The following NRXN3 variants were observed in gnomAD, a reference collection of about 807,000 sequenced individuals.
The protein encoded by NRXN3 is neurexin III.
In NRXN3, 32 loss-of-function variants were observed where a neutral mutation model predicts 137.6. The observed-to-expected ratio is 0.23, with a 90% CI of 0.18 to 0.31. The LOEUF is 0.31. NRXN3 is among the 10% of genes least tolerant of loss of function. NRXN3 has a pLI of 1.00. For missense variants in NRXN3, 1,574 were observed against 2,062.5 expected, an observed-to-expected ratio of 0.76 and a Z score of 4.59; for synonymous variants, 798 against 784.5, an observed-to-expected ratio of 1.02 and a Z score of -0.29.
At chr14:79,583,016 GA>G (rs1165116320) in intron 16 of NRXN3, among the ~76,000 whole-genome samples, 1 of 152,174 alleles carries the variant, frequency 6.6e-6, no homozygotes, top group African/African-American at 2.4e-5. Flanking sequence ...AGCATTTATA[GA>G]ATGTTTTTGC....
chr14:78,455,178 C>T (rs571336651), intron 4 of NRXN3, among the ~76,000 whole-genome samples: 1 of 152,240 alleles, frequency 6.6e-6, no homozygotes, highest in Non-Finnish European at 1.5e-5. Flanking sequence ...GCACCCCCTA[C>T]ATGGGACCTT....
At chr14:79,696,913 T>G (rs1346960862) in intron 18 of NRXN3, among the ~76,000 whole-genome samples, 2 of 151,980 alleles carry the variant, frequency 1.3e-5, no homozygotes, top group Admixed American at 6.6e-5. Flanking sequence ...TATTTCATAC[T>G]GAGGGAATAA....
intron 10 of NRXN3, among the ~76,000 whole-genome samples, chr14:78,878,863 C>A (rs1356550416): frequency 6.6e-6 from 1 of 152,084 alleles, no homozygotes; most frequent in African/African-American, 2.4e-5. Context: ...CCCGCCTACA[C>A]CACCTCAGCA....
At position 78,604,304 on chromosome 14, in the gene NRXN3, T is replaced by G. The variant is rs1273734346; in HGVS notation, c.758-40816T>G. 8.1e-5 allele frequency among the ~76,000 whole-genome samples: 4 copies of G among 49,520 alleles called. No individual in the cohort carries two copies. In the South Asian group the frequency reaches 2.2e-3, roughly 27 times the overall value. 32.5% of individuals were successfully genotyped at this position (49,520 alleles called of 152,430 possible). ...ATGTCATCCTCTCTTGGTCATTTGT[T>G]TTTTTTTTTTTTGATTTACAAGTAT... On this transcript the variant is annotated intron_variant, in intron 4 of 20. Coordinates refer to ENST00000335750, the MANE Select transcript of NRXN3 (RefSeq NM_001330195.2).
At chr14:78,963,497 A>G (rs1285541245) in intron 11 of NRXN3, among the ~76,000 whole-genome samples, 3 of 152,188 alleles carry the variant, frequency 2.0e-5, no homozygotes, top group African/African-American at 7.2e-5. Flanking sequence ...AGGAGTAGCT[A>G]TAGCCAATTT....
At chr14:78,588,729 A>G (rs1168010311) in intron 4 of NRXN3, among the ~76,000 whole-genome samples, 1 of 152,202 alleles carries the variant, frequency 6.6e-6, no homozygotes, top group African/African-American at 2.4e-5. Context: ...TTCTTAAGGT[A>G]TATCCAGGGC....
rs142489615 is a variant in NRXN3, at chr14:79,088,699, A to G, written c.3262+100558A>G. Among the ~76,000 whole-genome samples the G allele has an allele frequency of 3.4e-3, 521 of 152,248 alleles. 2 individuals carry two copies. Among genetic ancestry groups the G allele is most frequent in the African/African-American group, 0.012 (492 of 41,542 alleles). On this transcript the variant is annotated intron_variant, in intron 15 of 20. Coordinates refer to ENST00000335750, the MANE Select transcript of NRXN3 (RefSeq NM_001330195.2). ...AAACTAGTCATTTAAATGTAAACAT[A>G]TAAACACTTACTTTTTACTGTGTTG...
At position 79,134,864 on chromosome 14, in the gene NRXN3, G is replaced by A. The variant is rs370838841; in HGVS notation, c.3262+146723G>A. The stretch of plus-strand genomic sequence containing the variant: ...GATTCTCTATTGTAGCTTCTCTTTG[G>A]CTGTTGATATAATATCAAATATTTT... On this transcript the variant is annotated intron_variant, in intron 15 of 20. Transcript: ENST00000335750. 7.2e-5 allele frequency among the ~76,000 whole-genome samples: 11 copies of A among 152,136 alleles called. No individual in the cohort carries two copies. The East Asian group carries it at 2.1e-3, about 29-fold the overall frequency.
chr14:79,540,163 G>T (rs2097258406), intron 16 of NRXN3, among the ~76,000 whole-genome samples: 1 of 136,316 alleles, frequency 7.3e-6, no homozygotes, highest in African/African-American at 2.9e-5. Flanking sequence ...GCCTTAAAAA[G>T]ATTGCTTTGA....
chr14:78,857,378 G>A (rs951705898), intron 10 of NRXN3, among the ~76,000 whole-genome samples: 3 of 152,102 alleles, frequency 2.0e-5, no homozygotes, highest in Admixed American at 1.3e-4. Flanking sequence ...GTTGAAATTC[G>A]CAATCCATTA....
At chr14:78,192,867 T>C (rs987175438) in intron 1 of NRXN3, among the ~76,000 whole-genome samples, 3 of 152,178 alleles carry the variant, frequency 2.0e-5, no homozygotes, top group African/African-American at 7.2e-5. Flanking sequence ...GAAGTTACCA[T>C]TAACCAGTAC....
At chr14:78,779,517 CAG>C (rs1595787289) in intron 8 of NRXN3, among the ~76,000 whole-genome samples, 1 of 151,698 alleles carries the variant, frequency 6.6e-6, no homozygotes, top group Non-Finnish European at 1.5e-5. Flanking sequence ...AACAAAAAAA[CAG>C]AAGCAAAAAG....
intron 10 of NRXN3, among the ~76,000 whole-genome samples, chr14:78,923,382 A>G (rs1054247072): frequency 4.6e-5 from 7 of 152,264 alleles, no homozygotes; most frequent in African/African-American, 1.7e-4. Flanking sequence ...TGCACTAAAC[A>G]TAACAGCATA....
chr14:78,653,048 A>G (rs879377527), intron 6 of NRXN3, among the ~76,000 whole-genome samples: 9 of 152,194 alleles, frequency 5.9e-5, no homozygotes, highest in Non-Finnish European at 1.3e-4. Context: ...GCGAATTGAG[A>G]GGAAGGGGTA....
intron 15 of NRXN3, among the ~76,000 whole-genome samples, chr14:79,019,062 C>T (rs2099584461): frequency 6.6e-6 from 1 of 152,160 alleles, no homozygotes; most frequent in South Asian, 2.1e-4. Context: ...TAGCATGACT[C>T]ATTACTATTC....
intron 15 of NRXN3, among the ~76,000 whole-genome samples, chr14:79,274,553 A>T (rs145366962): frequency 1.0e-3 from 156 of 152,196 alleles, no homozygotes; most frequent in African/African-American, 3.7e-3. Context: ...CTTAGTGAAG[A>T]CAAACAGGTT....
At chr14:79,853,657 C>T in intron 20 of NRXN3, 1 of 1,314,796 alleles carries the variant, frequency 7.6e-7, no homozygotes, top group Non-Finnish European at 1.0e-6. Context: ...AGATATGACC[C>T]TCCCCTTCCT....
At chr14:79,847,134 C>A (rs1021381274) in intron 20 of NRXN3, among the ~76,000 whole-genome samples, 1 of 152,124 alleles carries the variant, frequency 6.6e-6, no homozygotes, top group South Asian at 2.1e-4. Flanking sequence ...AACTGAGGCC[C>A]GGGCTACTCC....
chr14:78,293,204 T>C (rs529954649), intron 3 of NRXN3, among the ~76,000 whole-genome samples: 1 of 152,202 alleles, frequency 6.6e-6, no homozygotes, highest in African/African-American at 2.4e-5. Context: ...ATTTCCCCAC[T>C]CCTCCCAGGT....
Sources: allele counts gnomAD v4.1 joint callset (sites outside exome capture counted in the v4.1 genomes callset), GRCh38; gene constraint gnomAD v4.1.1; transcripts MANE v1.5; gene names NCBI Gene and HGNC (gene_info 2026-07-23, HGNC 2026-07-21).